The following TRPM3 variants were observed in gnomAD, a reference collection of about 807,000 sequenced individuals.
The protein encoded by TRPM3 is transient receptor potential cation channel subfamily M member 3.
A neutral mutation model predicts 181.2 loss-of-function variants in TRPM3; 77 were observed. The observed-to-expected ratio is 0.42, with a 90% CI of 0.35 to 0.51. TRPM3 has a LOEUF of 0.51. TRPM3 is among the 20% of genes least tolerant of loss of function. The pLI is 0.01. For missense variants in TRPM3, 1,759 were observed against 2,196.7 expected, an observed-to-expected ratio of 0.80 and a Z score of 3.98; for synonymous variants, 745 against 796.4, an observed-to-expected ratio of 0.94 and a Z score of 1.09.
At chr9:71,122,894 A>G (rs958349837), upstream of TRPM3, among the ~76,000 whole-genome samples, 3 of 152,194 alleles carry the variant, frequency 2.0e-5, no homozygotes, top group African/African-American at 7.2e-5. Context: ...CAGCTGATTC[A>G]TTTTCTGTTA....
intron 2 of TRPM3, among the ~76,000 whole-genome samples, chr9:70,864,011 T>G (rs2095583565): frequency 6.6e-6 from 1 of 152,068 alleles, no homozygotes; most frequent in African/African-American, 2.4e-5. Flanking sequence ...GCTAACAAAG[T>G]GCTTAAATGG....
At chr9:70,553,699 A>C (rs1208061482) in intron 22 of TRPM3, among the ~76,000 whole-genome samples, 1 of 152,260 alleles carries the variant, frequency 6.6e-6, no homozygotes, top group Non-Finnish European at 1.5e-5. Flanking sequence ...AGTTACTTTC[A>C]AAATGTGCTG....
chr9:70,914,352 C>T (rs569386849), intron 1 of TRPM3, among the ~76,000 whole-genome samples: 3 of 152,310 alleles, frequency 2.0e-5, no homozygotes, highest in Admixed American at 6.5e-5. Context: ...GCCTCCAGAA[C>T]TGTGAGAAAT....
chr9:70,552,715 G>T, intron 24 of TRPM3, 129 bp downstream of exon 24: 1 of 922,620 alleles, frequency 1.1e-6, no homozygotes, highest in Non-Finnish European at 1.8e-6. Flanking sequence ...TGCTCTCCAA[G>T]CCTTCAGAGC....
chr9:71,242,212 C>T (rs1027658123), intron 1 of TRPM3, among the ~76,000 whole-genome samples: 3 of 152,094 alleles, frequency 2.0e-5, no homozygotes, highest in South Asian at 2.1e-4. Context: ...GACAAGAAGC[C>T]GCAATTAAAT....
chr9:70,739,514 C>T lies in TRPM3; in HGVS notation c.1272+22087G>A, dbSNP rs183787976. Among the ~76,000 whole-genome samples the T allele has an allele frequency of 3.2e-3, 482 of 152,260 alleles. 7 individuals are homozygous for T. Among genetic ancestry groups the T allele is most frequent in the Admixed American group, 0.029 (450 of 15,284 alleles). On this transcript the variant is annotated intron_variant, in intron 8 of 25. Coordinates refer to ENST00000677713, the MANE Select transcript of TRPM3 (RefSeq NM_001366145.2). ...TAAGCCATCTATGACAAACACACAGCCAACATAATACTGAATGAGGAAAAG... is the reference window on the plus strand; with the variant it reads ...TAAGCCATCTATGACAAACACACAGTCAACATAATACTGAATGAGGAAAAG...
chr9:71,026,070 T>C (rs1434762920), intron 1 of TRPM3, among the ~76,000 whole-genome samples: 1 of 152,172 alleles, frequency 6.6e-6, no homozygotes. Context: ...GAAAGTTGCC[T>C]AGAGAAGTAG....
chr9:71,034,451 A>G (rs993650311), intron 1 of TRPM3, among the ~76,000 whole-genome samples: 2 of 152,146 alleles, frequency 1.3e-5, no homozygotes, highest in Non-Finnish European at 1.5e-5. Context: ...AGGTGATCCT[A>G]TACTGGGTTT....
intron 8 of TRPM3, among the ~76,000 whole-genome samples, chr9:70,691,320 CA>C (rs2068476885): frequency 6.6e-6 from 1 of 152,144 alleles, no homozygotes; most frequent in African/African-American, 2.4e-5. Flanking sequence ...TGAATTTATA[CA>C]TTAGAAAAAA....
chr9:71,150,887 A>G (rs1331991734), intron 1 of TRPM3, among the ~76,000 whole-genome samples: 2 of 152,190 alleles, frequency 1.3e-5, no homozygotes, highest in African/African-American at 2.4e-5. Context: ...TGTTGCACTA[A>G]AAGATCAATG....
At chr9:71,331,972 G>A (rs1006683536) in intron 1 of TRPM3, among the ~76,000 whole-genome samples, 6 of 145,026 alleles carry the variant, frequency 4.1e-5, no homozygotes, top group Admixed American at 7.0e-5. Context: ...GGGAGGAGGA[G>A]GAGAAGGAGG....
At chr9:70,927,679 T>G (rs1055714240) in intron 1 of TRPM3, among the ~76,000 whole-genome samples, 9 of 152,206 alleles carry the variant, frequency 5.9e-5, no homozygotes, top group African/African-American at 2.2e-4. Context: ...GCACAGAGTC[T>G]GCAGTGCCCT....
chr9:70,602,689 CT>C (rs1420282429), intron 20 of TRPM3, among the ~76,000 whole-genome samples: 1 of 152,174 alleles, frequency 6.6e-6, no homozygotes, highest in African/African-American at 2.4e-5. Context: ...AGCTCTGAAT[CT>C]GATGGGCCCC....
chr9:70,676,996 G>A (rs1335322908), intron 9 of TRPM3, among the ~76,000 whole-genome samples: 7 of 135,934 alleles, frequency 5.1e-5, no homozygotes, highest in African/African-American at 1.1e-4. Context: ...TGGCCATAAC[G>A]AAATTAATAC....
chr9:71,012,850 T>C lies in TRPM3; in HGVS notation c.177+108328A>G, dbSNP rs76539671. 7.2e-3 allele frequency among the ~76,000 whole-genome samples: 1,102 copies of C among 152,270 alleles called. 13 individuals carry two copies. The highest frequency in any genetic ancestry group is 0.025 in the African/African-American group (1,022 of 41,578). On this transcript the variant is annotated intron_variant, in intron 1 of 25. Transcript: ENST00000677713. ...TATCAGTCAATACAGACAATTTTAT[T>C]TCTTTCCAGATTTCTTTAGTACATT...
rs947285084 is a variant in TRPM3, at chr9:70,619,244, C to T, written c.2130-149G>A. The T allele has an allele frequency of 1.1e-5, 7 of 650,896 alleles. No individual in the cohort carries two copies. In the African/African-American group the frequency reaches 1.1e-4, roughly 10 times the overall value. The allele number at this position is 650,896 out of a possible 1,614,324, so 40.3% of individuals were successfully genotyped here. A position where few individuals can be genotyped will look rare whatever the true frequency, so the allele number is the denominator to read the frequency against. On this transcript the variant is annotated intron_variant, in intron 16 of 25. Transcript: ENST00000677713. ...TAGTCTGTTTGTAAATTCATCCAGC[C>T]AACATCCACTAAGCATCTACTATGT...
chr9:70,997,079 A>G (rs1162013366), intron 1 of TRPM3, among the ~76,000 whole-genome samples: 1 of 152,252 alleles, frequency 6.6e-6, no homozygotes, highest in Non-Finnish European at 1.5e-5. Flanking sequence ...AAGTACCTAG[A>G]TGGACGATAT....
chr9:70,574,935 C>CT (rs1220285369), intron 22 of TRPM3, among the ~76,000 whole-genome samples: 72 of 143,734 alleles, frequency 5.0e-4, no homozygotes, highest in South Asian at 3.6e-3. Flanking sequence ...TCTTTTCTTT[C>CT]TTTTTTTTTT....
chr9:70,872,153 A>G (rs1398532638), intron 1 of TRPM3, among the ~76,000 whole-genome samples: 5 of 152,122 alleles, frequency 3.3e-5, no homozygotes, highest in African/African-American at 1.2e-4. Flanking sequence ...TGAGGGCGAT[A>G]CAGTCTCTGC....
Sources: gnomAD v4.1 joint callset for allele counts (sites outside exome capture counted in the v4.1 genomes callset) on GRCh38, gnomAD v4.1.1 for gene constraint, MANE v1.5 for transcripts, NCBI Gene and HGNC (gene_info 2026-07-23, HGNC 2026-07-21) for gene names.